The following ACYP2 variants were observed in gnomAD, a reference collection of about 807,000 sequenced individuals.
ACYP2 encodes acylphosphatase-2.
Under a neutral mutation model 11.2 loss-of-function variants are expected in ACYP2, and 12 were observed. That is an observed-to-expected ratio of 1.08 (90% CI 0.69 to 1.74). The LOEUF is 1.74. ACYP2 is among the 40% of genes most tolerant of loss of function. The pLI, the probability that ACYP2 is intolerant of heterozygous loss-of-function variation, is 0.00. For synonymous variants in ACYP2, 43 were observed against 32.2 expected, an observed-to-expected ratio of 1.33 and a Z score of -1.13; for missense variants, 134 against 101.9, an observed-to-expected ratio of 1.31 and a Z score of -1.35.
intron 2 of ACYP2, among the ~76,000 whole-genome samples, chr2:53,990,496 A>C (rs1031269808): frequency 3.3e-5 from 5 of 151,510 alleles, no homozygotes; most frequent in Non-Finnish European, 5.9e-5. Flanking sequence ...TAAATATACA[A>C]AAATTAGCTG....
At chr2:54,002,455 C>G (rs1672845386) in intron 2 of ACYP2, among the ~76,000 whole-genome samples, 1 of 150,942 alleles carries the variant, frequency 6.6e-6, no homozygotes, top group South Asian at 2.1e-4. Context: ...AAATAATTCT[C>G]CTGCCTCAGC....
At chr2:54,026,277 C>G (rs1401249358) in intron 2 of ACYP2, among the ~76,000 whole-genome samples, 1 of 152,050 alleles carries the variant, frequency 6.6e-6, no homozygotes, top group African/African-American at 2.4e-5. Flanking sequence ...ATAGACAGTT[C>G]TCAAAAGAAG....
chr2:54,135,930 T>C (rs72800765), intron 5 of ACYP2, among the ~76,000 whole-genome samples: 15,309 of 152,288 alleles, frequency 0.1, 876 homozygotes, highest in Non-Finnish European at 0.13. Context: ...CGGAGTCTTA[T>C]TCTGTTGCCC....
chr2:54,127,600 T>C, intron 4 of ACYP2, among the ~76,000 whole-genome samples: 1 of 151,738 alleles, frequency 6.6e-6, no homozygotes. Flanking sequence ...TACAAAAAAT[T>C]AGCCCGGTGT....
intron 6 of ACYP2, among the ~76,000 whole-genome samples, chr2:54,251,557 C>T (rs1386195062): frequency 6.7e-6 from 1 of 149,746 alleles, no homozygotes; most frequent in Non-Finnish European, 1.5e-5. Context: ...CCATCTCTTA[C>T]TTCCTTCCAA....
At chr2:54,051,574 T>C in intron 3 of ACYP2, 1 of 743,834 alleles carries the variant, frequency 1.3e-6, no homozygotes, top group South Asian at 1.4e-5. Flanking sequence ...CCATTGGTGA[T>C]GTTGTGAAGA....
At chr2:54,187,852 C>A (rs1205503136) in intron 6 of ACYP2, among the ~76,000 whole-genome samples, 2 of 152,076 alleles carry the variant, frequency 1.3e-5, no homozygotes, top group African/African-American at 2.4e-5. Flanking sequence ...GGAGGTGGGG[C>A]CTAATGGGAG....
intron 2 of ACYP2, among the ~76,000 whole-genome samples, chr2:54,046,354 T>C (rs1675525441): frequency 6.6e-6 from 1 of 151,452 alleles, no homozygotes; most frequent in African/African-American, 2.4e-5. Context: ...TGGAACACAC[T>C]TGTAATCCCA....
intron 6 of ACYP2, among the ~76,000 whole-genome samples, chr2:54,178,571 C>T (rs1438373217): frequency 6.6e-6 from 1 of 152,188 alleles, no homozygotes; most frequent in Admixed American, 6.5e-5. Context: ...GTAAACAGTA[C>T]TTTTACTTGA....
chr2:54,274,624 T>TC, intron 6 of ACYP2, among the ~76,000 whole-genome samples: 1 of 21,198 alleles, frequency 4.7e-5, no homozygotes, highest in Non-Finnish European at 8.9e-5. Flanking sequence ...AGACTCCATC[T>TC]CAAAAAAAAA....
intron 4 of ACYP2, among the ~76,000 whole-genome samples, chr2:54,126,978 G>A (rs1462188458): frequency 6.7e-6 from 1 of 149,944 alleles, no homozygotes; most frequent in Non-Finnish European, 1.5e-5. Context: ...AAATTGACAT[G>A]CAAAAAAGTA....
At position 54,138,677 on chromosome 2, in the gene ACYP2, C is replaced by T. The variant is rs748033850; in HGVS notation, c.333C>T (p.Gly111=). Residue 111 remains glycine (G), a synonymous_variant, in exon 6 of 7, where the codon GGC becomes GGT. Transcript: ENST00000607452. ...AAGCTAGGAAAATAGGAGTGGTTGG[C>T]TGGGTGAAGAATACCAGCAAAGGCA... The T allele has an allele frequency of 1.9e-6, 3 of 1,614,028 alleles. No homozygotes were observed. The South Asian group carries it at 3.3e-5, about 18-fold the overall frequency.
At chr2:53,981,089 C>T (rs575225138) in intron 2 of ACYP2, among the ~76,000 whole-genome samples, 1 of 152,120 alleles carries the variant, frequency 6.6e-6, no homozygotes, top group African/African-American at 2.4e-5. Flanking sequence ...TGTATTTTTA[C>T]TGCACCTCTT....
At chr2:53,978,477 T>C (rs964509531) in intron 2 of ACYP2, among the ~76,000 whole-genome samples, 2 of 152,164 alleles carry the variant, frequency 1.3e-5, no homozygotes, top group Non-Finnish European at 2.9e-5. Context: ...CACAAGATTA[T>C]AATGGAGCTG....
At chr2:54,123,544 A>G (rs1258628471) in intron 4 of ACYP2, 2 of 396,524 alleles carry the variant, frequency 5.0e-6, no homozygotes, top group Non-Finnish European at 8.9e-6. Flanking sequence ...GTTTTGCAGC[A>G]TTACCATTAA....
chr2:54,286,926 G>A lies in ACYP2; in HGVS notation c.405-17762G>A, dbSNP rs779986519. 5.3e-5 allele frequency among the ~76,000 whole-genome samples: 8 copies of A among 151,916 alleles called. 1 individual carries two copies. Among genetic ancestry groups the A allele is most frequent in the Admixed American group, 1.3e-4 (2 of 15,250 alleles). On this transcript the variant is annotated intron_variant, in intron 6 of 6. Coordinates refer to ENST00000607452, the MANE Select transcript of ACYP2 (RefSeq NM_001320586.2). ...TATTCAATATATGGTAAAAAGCTCC[G>A]TAAGTATTTGTGAATGAATGACTTA...
chr2:54,226,965 TTA>T (rs1686034804), intron 6 of ACYP2, among the ~76,000 whole-genome samples: 1 of 152,212 alleles, frequency 6.6e-6, no homozygotes, highest in African/African-American at 2.4e-5. Flanking sequence ...CACATTTGGC[TTA>T]TATGATGAAA....
At chr2:54,105,934 C>T (rs546933285) in intron 4 of ACYP2, among the ~76,000 whole-genome samples, 41 of 151,800 alleles carry the variant, frequency 2.7e-4, no homozygotes, top group African/African-American at 8.2e-4. Flanking sequence ...TGAATTTTTC[C>T]GCAAAAGGCC....
At chr2:54,145,407 C>T (rs1445621164) in intron 6 of ACYP2, among the ~76,000 whole-genome samples, 3 of 152,168 alleles carry the variant, frequency 2.0e-5, no homozygotes, top group African/African-American at 7.2e-5. Context: ...CTGGGGCAAG[C>T]AGTCCTAGGA....
Sources: allele counts gnomAD v4.1 joint callset (sites outside exome capture counted in the v4.1 genomes callset), GRCh38; gene constraint gnomAD v4.1.1; transcripts MANE v1.5; gene names NCBI Gene and HGNC (gene_info 2026-07-23, HGNC 2026-07-21).